The following PCDHGA2 variants were observed in gnomAD, a reference collection of about 807,000 sequenced individuals.
The protein encoded by PCDHGA2 is protocadherin gamma-A2.
A neutral mutation model predicts 59.2 loss-of-function variants in PCDHGA2; 40 were observed. The ratio of observed to expected loss-of-function variants is 0.68; its 90% CI spans 0.52 to 0.88. The LOEUF (loss-of-function observed/expected upper bound fraction) is 0.88. PCDHGA2 is among the 40% of genes least tolerant of loss of function. The probability of loss-of-function intolerance (pLI) is 0.00; values close to 1 mark genes in which losing one functional copy is unlikely to be tolerated. For missense variants in PCDHGA2, 1,226 were observed against 1,204.0 expected (o/e 1.02, Z -0.27); for synonymous variants, 560 against 526.0 (o/e 1.06, Z -0.89).
rs780436102 is a variant in PCDHGA2 at position 141,431,846 on chromosome 5, G to T, written c.2425-62961G>T. On this transcript the variant is annotated intron_variant, in intron 1 of 3. Coordinates refer to ENST00000394576, the MANE Select transcript of PCDHGA2 (RefSeq NM_018915.4). The surrounding 1 kb of genome is among the most constrained non-coding windows in gnomAD (Gnocchi z 4.8). ...CTCGGTTCCCGAAAACTCTCCCAGA[G>T]GGACATTAATTGCCCTTTTAAATGT... 4 of 1,614,274 alleles carry T rather than the reference G, an allele frequency of 2.5e-6. No homozygotes were observed. The South Asian group carries it at 4.4e-5, about 18-fold the overall frequency.
chr5:141,432,745 G>A lies in PCDHGA2; in HGVS notation c.2425-62062G>A, dbSNP rs138883931. ...TCTCCGCCACTGTCACGCTCACCGT[G>A]GCCGTGGCCGACAGCATCCCCCAAG... On this transcript the variant is annotated intron_variant, in intron 1 of 3. Coordinates refer to ENST00000394576, the MANE Select transcript of PCDHGA2 (RefSeq NM_018915.4). This position sits in a 1 kb window ranked among gnomAD's most constrained non-coding sequence, Gnocchi z 6.0. 311 of 1,614,110 alleles carry A rather than the reference G, an allele frequency of 1.9e-4. No individual in the cohort carries two copies. The African/African-American group carries it at 3.5e-3, about 18-fold the overall frequency.
chr5:141,478,249 A>T, intron 1 of PCDHGA2: 1 of 1,614,110 alleles, frequency 6.2e-7, no homozygotes, highest in African/African-American at 1.3e-5. Context: ...CAGTGTTCGG[A>T]GTAATCATAT....
chr5:141,346,222 G>A, intron 1 of PCDHGA2: 1 of 1,614,204 alleles, frequency 6.2e-7, no homozygotes, highest in South Asian at 1.1e-5. Flanking sequence ...GCTTCGGGAG[G>A]CGGCTTGGCG....
At chr5:141,510,658 A>G (rs1162885805) in intron 3 of PCDHGA2, among the ~76,000 whole-genome samples, 1 of 152,178 alleles carries the variant, frequency 6.6e-6, no homozygotes, top group African/African-American at 2.4e-5. Context: ...CATTTTGCAG[A>G]TGAGAAAACT....
intron 1 of PCDHGA2, chr5:141,365,002 C>A: frequency 6.2e-7 from 1 of 1,613,918 alleles, no homozygotes; most frequent in African/African-American, 1.3e-5. Flanking sequence ...TACTCTCCGG[C>A]ACCACGCACA....
In PCDHGA2 at chr5:141,511,032, G is replaced by A; in HGVS notation, c.2658G>A (p.Gln886=). 1.2e-6 allele frequency: 2 copies of A among 1,614,228 alleles called. No homozygotes were observed. The highest frequency in any genetic ancestry group is 2.2e-5 in the East Asian group (1 of 44,888). The change falls in exon 4 of 4, where the codon CAG becomes CAA. Residue 886 remains glutamine, a synonymous_variant. Transcript: ENST00000394576. Reference sequence around the variant, plus strand: ...GCTACGGACCCCAGTTCACCCTGCAGCACGTGCCCGACTACCGCCAGAATG... The same window carrying A: ...GCTACGGACCCCAGTTCACCCTGCAACACGTGCCCGACTACCGCCAGAATG... ...SARYGPQFTL[Q]HVPDYRQNVY...
chr5:141,401,516 T>G (rs375937507), intron 1 of PCDHGA2, among the ~76,000 whole-genome samples: 3 of 152,320 alleles, frequency 2.0e-5, no homozygotes, highest in South Asian at 2.1e-4. Context: ...CTCTATATAA[T>G]TACCAGAAGA....
In PCDHGA2 at chr5:141,476,928, T is replaced by C. The variant is rs1279715094; in HGVS notation, c.2425-17879T>C. 6.2e-7 allele frequency: 1 copy of C among 1,614,142 alleles called. No individual in the cohort carries two copies. The highest frequency in any genetic ancestry group is 2.2e-5 in the East Asian group (1 of 44,868). On this transcript the variant is annotated intron_variant, in intron 1 of 3. Transcript: ENST00000394576. This position sits in a 1 kb window ranked among gnomAD's most constrained non-coding sequence, Gnocchi z 7.6. ...GTGGTACAAGTCCTTGCAACGGATC[T>C]GGATGAAGGCCCCAACGGTGAAATT...
At position 141,365,599 on chromosome 5, in the gene PCDHGA2, C is replaced by G. The variant is rs368039042; in HGVS notation, c.2424+24204C>G. On this transcript the variant is annotated intron_variant, in intron 1 of 3. Transcript: ENST00000394576. ...CTTCAGATTATAATATCACTTTAAC[C>G]GTCATGGACCATGGAACCCCGCCCC... is the stretch of plus-strand genomic sequence containing the variant. 1.4e-4 allele frequency: 222 copies of G among 1,613,638 alleles called. 2 individuals carry two copies. In the South Asian group the frequency reaches 2.3e-3, roughly 17 times the overall value.
At chr5:141,366,052 C>G in intron 1 of PCDHGA2, 4 of 1,614,248 alleles carry the variant, frequency 2.5e-6, no homozygotes, top group Non-Finnish European at 3.4e-6. Flanking sequence ...GTTCCACGGG[C>G]GTGGAGCTGG....
chr5:141,420,047 G>C (rs1242042066), intron 1 of PCDHGA2: 1 of 1,613,958 alleles, frequency 6.2e-7, no homozygotes, highest in East Asian at 2.2e-5. Flanking sequence ...CTTTGAGTCA[G>C]TTCTCTGCTC....
intron 1 of PCDHGA2, chr5:141,417,914 C>T: frequency 6.2e-7 from 1 of 1,602,320 alleles, no homozygotes; most frequent in Non-Finnish European, 8.5e-7. Context: ...GGTACTATTT[C>T]CTTTGCTGCT....
chr5:141,499,418 A>G (rs143234735), intron 2 of PCDHGA2, among the ~76,000 whole-genome samples: 1 of 152,296 alleles, frequency 6.6e-6, no homozygotes, highest in East Asian at 1.9e-4. Context: ...GAAACATGAA[A>G]AATAGAAAAA....
rs202048719 is a variant in PCDHGA2, at chr5:141,339,512, G to A, written c.541G>A (p.Asp181Asn). ...CAACCCAAATGACCACTTCTCCCTG[G>A]ACGTGCGAAGGGGAGCTGATGGGAA... is the stretch of plus-strand genomic sequence containing the variant. Reference protein sequence around the residue: ...ALNPNDHFSLDVRRGADGNKY... With the variant: ...ALNPNDHFSLNVRRGADGNKY... The change falls in exon 1 of 4, where the codon GAC becomes AAC. Residue 181 changes from aspartate to asparagine, a missense_variant. Coordinates refer to ENST00000394576, the MANE Select transcript of PCDHGA2 (RefSeq NM_018915.4). The A allele has an allele frequency of 6.2e-7, 1 of 1,614,154 alleles. No individual in the cohort carries two copies.
At chr5:141,392,682 C>T in intron 1 of PCDHGA2, 2 of 1,035,550 alleles carry the variant, frequency 1.9e-6, no homozygotes, top group Non-Finnish European at 2.7e-6. Flanking sequence ...TGGACTGCAG[C>T]GAAACCCGAC....
intron 1 of PCDHGA2, among the ~76,000 whole-genome samples, chr5:141,445,417 A>C (rs1483224509): frequency 6.6e-6 from 1 of 152,208 alleles, no homozygotes; most frequent in Non-Finnish European, 1.5e-5. Context: ...ACTGTCTGCT[A>C]TATGCAAGGC....
Position 141,489,767 on chromosome 5 carries a change from G to T in PCDHGA2, c.2425-5040G>T, listed in dbSNP as rs2099691977. On this transcript the variant is annotated intron_variant, in intron 1 of 3. Transcript: ENST00000394576. This position sits in a 1 kb window ranked among gnomAD's most constrained non-coding sequence, Gnocchi z 4.5. ...AGCTTTTACACTCTAAGCCCCAACA[G>T]CCACTTCTCTCTGAATGTGAAGACC... The T allele has an allele frequency of 6.2e-7, 1 of 1,614,028 alleles. No homozygotes were observed. Among genetic ancestry groups the T allele is most frequent in the African/African-American group, 1.3e-5 (1 of 74,938 alleles).
intron 1 of PCDHGA2, among the ~76,000 whole-genome samples, chr5:141,353,057 T>C (rs72790007): frequency 0.022 from 3,282 of 152,274 alleles, 52 homozygotes; most frequent in South Asian, 0.039. Flanking sequence ...TTGATTTTCT[T>C]TCATTGTTCT....
At chr5:141,404,910 CT>C (rs1185141572) in intron 1 of PCDHGA2, 10 of 1,613,936 alleles carry the variant, frequency 6.2e-6, no homozygotes, top group Non-Finnish European at 8.5e-6. Flanking sequence ...GGCCAGCCCC[CT>C]CTCTCGGCCA....
Sources: gnomAD v4.1 joint callset for allele counts (sites outside exome capture counted in the v4.1 genomes callset) on GRCh38, gnomAD v4.1.1 for gene constraint, Gnocchi (gnomAD v3.1) non-coding constraint, MANE v1.5 for transcripts, NCBI Gene and HGNC (gene_info 2026-07-23, HGNC 2026-07-21) for gene names.